Variants in ATP8A1 observed in about 807,000 individuals in gnomAD.
ATP8A1 encodes the protein ATPase phospholipid transporting 8A1.
A neutral mutation model predicts 177.7 loss-of-function variants in ATP8A1; 90 were observed. The observed-to-expected ratio is 0.51, with a 90% CI of 0.43 to 0.60. ATP8A1 has a LOEUF of 0.60. ATP8A1 is among the 20% of genes least tolerant of loss of function. The pLI is 0.00. For missense variants in ATP8A1, 1,072 were observed against 1,392.8 expected, an observed-to-expected ratio of 0.77 and a Z score of 3.67; for synonymous variants, 493 against 485.9, an observed-to-expected ratio of 1.01 and a Z score of -0.19.
At chr4:42,423,922 T>C (rs1443523410) in intron 33 of ATP8A1, among the ~76,000 whole-genome samples, 2 of 152,200 alleles carry the variant, frequency 1.3e-5, no homozygotes, top group Admixed American at 1.3e-4. Context: ...TTATAAGATA[T>C]GGTGTAAAAT....
chr4:42,460,379 CTTTTTT>C (rs35296572), intron 27 of ATP8A1, among the ~76,000 whole-genome samples: 1 of 94,540 alleles, frequency 1.1e-5, no homozygotes, highest in Admixed American at 1.3e-4. Flanking sequence ...ATGGATGGAT[CTTTTTT>C]TTTTTTTTTT....
rs1458259395 is a variant in ATP8A1 at position 42,452,163 on chromosome 4, G to A, written c.2818-104C>T. ...AGCTAGATTCACAAAATGTGTTTCT[G>A]TCGGGCCACCACTGTGAATTAATAG... is the stretch of plus-strand genomic sequence containing the variant. On this transcript the variant is annotated intron_variant, in intron 29 of 36. Transcript: ENST00000381668. 3.9e-6 allele frequency: 3 copies of A among 766,510 alleles called. No homozygotes were observed. The African/African-American group carries it at 5.2e-5, about 13-fold the overall frequency. The allele number at this position is 766,510 out of a possible 1,614,324, so 47.5% of individuals were successfully genotyped here.
Position 42,555,150 on chromosome 4 carries a change from C to CT in ATP8A1, c.1413+817dup, listed in dbSNP as rs778879211. Among the ~76,000 whole-genome samples, 237 of 103,608 alleles carry CT rather than the reference C, an allele frequency of 2.3e-3. 4 individuals are homozygous for CT. The highest frequency in any genetic ancestry group is 4.9e-3 in the South Asian group (16 of 3,284). The allele number at this position is 103,608 out of a possible 152,430, so 68.0% of individuals were successfully genotyped here. A position where few individuals can be genotyped will look rare whatever the true frequency, so the allele number is the denominator to read the frequency against. ...CTATCTATCTATCTAATCTATCTAT[C>CT]TATCTATCTATCTATCTATCTATCT... On this transcript the variant is annotated intron_variant, in intron 16 of 36. Coordinates refer to ENST00000381668, the MANE Select transcript of ATP8A1 (RefSeq NM_006095.2).
rs370067123 is a variant in ATP8A1 at position 42,522,220 on chromosome 4, T to C, written c.1887A>G (p.Ala629=). ...GTAGCCTGTTCTGCACAGATGTAGA[T>C]GCTCGCTGATAGACTGCTCGCCACT... ...FQEWRAVYQR[A]STSVQNRLLK... is the part of the protein sequence containing the mutation. Residue 629 remains alanine, a synonymous_variant, in exon 22 of 37, where the codon GCA becomes GCG. Coordinates refer to ENST00000381668, the MANE Select transcript of ATP8A1 (RefSeq NM_006095.2). The C allele has an allele frequency of 6.2e-5, 100 of 1,613,664 alleles. No individual in the cohort carries two copies. Among genetic ancestry groups the C allele is most frequent in the Non-Finnish European group, 6.9e-5 (81 of 1,179,888 alleles).
intron 31 of ATP8A1, among the ~76,000 whole-genome samples, chr4:42,445,840 G>A (rs1291745748): frequency 6.6e-6 from 1 of 152,122 alleles, no homozygotes; most frequent in African/African-American, 2.4e-5. Flanking sequence ...AGCACTTTGG[G>A]AGGCTGAGGT....
rs1413812236 is a variant in ATP8A1, at chr4:42,600,551, A to G, written c.410-33T>C. 4 of 1,593,084 alleles carry G rather than the reference A, an allele frequency of 2.5e-6. No individual in the cohort carries two copies. In the South Asian group the frequency reaches 3.4e-5, roughly 14 times the overall value. ...GAGAAAAGGTGACATTTTAAACAACATGTTTTACTATGAAAAGGCCATTTC... is the reference window on the plus strand; with the variant it reads ...GAGAAAAGGTGACATTTTAAACAACGTGTTTTACTATGAAAAGGCCATTTC... On this transcript the variant is annotated intron_variant, in intron 5 of 36. Transcript: ENST00000381668.
intron 25 of ATP8A1, among the ~76,000 whole-genome samples, chr4:42,465,881 A>C (rs1002185686): frequency 1.3e-5 from 2 of 151,798 alleles, no homozygotes; most frequent in African/African-American, 4.8e-5. Flanking sequence ...AAATACAAAA[A>C]ATTAGCCGGG....
intron 20 of ATP8A1, among the ~76,000 whole-genome samples, chr4:42,533,846 G>C (rs1312199556): frequency 6.6e-6 from 1 of 152,122 alleles, no homozygotes; most frequent in Non-Finnish European, 1.5e-5. Flanking sequence ...CATATCACAG[G>C]GCTTTGTGCA....
At chr4:42,421,994 A>G (rs1430668245) in intron 35 of ATP8A1, among the ~76,000 whole-genome samples, 1 of 152,092 alleles carries the variant, frequency 6.6e-6, no homozygotes, top group Non-Finnish European at 1.5e-5. Context: ...TTCACTTCAT[A>G]TATGATACAT....
In ATP8A1 at chr4:42,524,749, CA is replaced by C; in HGVS notation, c.1807+13del. On this transcript the variant is annotated intron_variant, in intron 21 of 36. Transcript: ENST00000381668. ...TTGTATTTTAATCATGCTTTATTGCCAAATTACACTTACCTTCTGTAGCAAA... is the reference window on the plus strand; with the variant it reads ...TTGTATTTTAATCATGCTTTATTGCCAATTACACTTACCTTCTGTAGCAAA... 4 of 1,562,454 alleles carry C rather than the reference CA, an allele frequency of 2.6e-6. No homozygotes were observed. Among genetic ancestry groups the C allele is most frequent in the Non-Finnish European group, 3.5e-6 (4 of 1,140,376 alleles).
chr4:42,444,107 C>T (rs990938632), intron 32 of ATP8A1, among the ~76,000 whole-genome samples: 7 of 152,054 alleles, frequency 4.6e-5, no homozygotes, highest in East Asian at 3.9e-4. Flanking sequence ...TTTTTGTTTC[C>T]GGGGTCTCTA....
At chr4:42,427,358 G>T (rs1560311928) in intron 33 of ATP8A1, among the ~76,000 whole-genome samples, 1 of 152,202 alleles carries the variant, frequency 6.6e-6, no homozygotes, top group African/African-American at 2.4e-5. Flanking sequence ...ATAGGCAAGA[G>T]ACCTGGAAAG....
chr4:42,536,686 A>G (rs61529133), intron 20 of ATP8A1, among the ~76,000 whole-genome samples: 2 of 152,276 alleles, frequency 1.3e-5, no homozygotes, highest in African/African-American at 4.8e-5. Flanking sequence ...CATACACACA[A>G]AAGTCCTCAA....
chr4:42,482,589 C>T (rs754221035), intron 25 of ATP8A1, among the ~76,000 whole-genome samples: 1 of 152,136 alleles, frequency 6.6e-6, no homozygotes, highest in Non-Finnish European at 1.5e-5. Context: ...ACAACTGTTT[C>T]TTTCAATTCA....
chr4:42,464,537 T>C (rs1006997512), intron 27 of ATP8A1, among the ~76,000 whole-genome samples, 153 bp downstream of exon 27: 1 of 152,210 alleles, frequency 6.6e-6, no homozygotes, highest in Non-Finnish European at 1.5e-5. Flanking sequence ...AGTGCTGGGA[T>C]TACAGGCCAC....
intron 33 of ATP8A1, among the ~76,000 whole-genome samples, chr4:42,435,426 C>CAAAAAAAAAAAAAA (rs55945370): frequency 5.5e-4 from 52 of 93,916 alleles, no homozygotes; most frequent in African/African-American, 1.1e-3. Context: ...GACTTCATCT[C>CAAAAAAAAAAAAAA]AAAAAAAAAA....
chr4:42,572,466 G>A (rs1253109216), intron 14 of ATP8A1, among the ~76,000 whole-genome samples: 1 of 152,282 alleles, frequency 6.6e-6, no homozygotes, highest in South Asian at 2.1e-4. Context: ...CAGAAGTCAC[G>A]GTTTCTCCAA....
chr4:42,495,497 A>G lies in ATP8A1; in HGVS notation c.2151+7953T>C, dbSNP rs529142937. 8.5e-5 allele frequency among the ~76,000 whole-genome samples: 13 copies of G among 152,322 alleles called. No homozygotes were observed. In the South Asian group the frequency reaches 2.5e-3, roughly 29 times the overall value. The stretch of plus-strand genomic sequence containing the variant: ...TAGGGAGAAACTACATTTATGTACA[A>G]CTGGCCCATTTAGTATTCATCCCAG... On this transcript the variant is annotated intron_variant, in intron 24 of 36. Transcript: ENST00000381668.
intron 4 of ATP8A1, among the ~76,000 whole-genome samples, chr4:42,623,859 T>C (rs951906373): frequency 6.6e-6 from 1 of 152,008 alleles, no homozygotes; most frequent in African/African-American, 2.4e-5. Context: ...AACTTAAAAG[T>C]CTCTCCTTCT....
Sources: allele counts gnomAD v4.1 joint callset (sites outside exome capture counted in the v4.1 genomes callset), GRCh38; gene constraint gnomAD v4.1.1; transcripts MANE v1.5; gene names NCBI Gene and HGNC (gene_info 2026-07-23, HGNC 2026-07-21).